Variants in KRT27 observed in about 807,000 individuals in gnomAD.
The protein encoded by KRT27 is keratin, type I cytoskeletal 27.
Under a neutral mutation model 45.3 loss-of-function variants are expected in KRT27, and 30 were observed. The observed-to-expected ratio is 0.66, with a 90% confidence interval of 0.50 to 0.90. KRT27 has a LOEUF of 0.90. Ranked by LOEUF, KRT27 falls within the 40% of genes least tolerant of loss-of-function variation. KRT27 has a pLI of 0.00. For synonymous variants in KRT27, 204 were observed against 223.9 expected (o/e 0.91, Z 0.79); for missense variants, 610 against 564.3 (o/e 1.08, Z -0.82).
In KRT27 at chr17:40,777,528, C is replaced by CT; in HGVS notation, c.1176dup (p.Asp393ArgfsTer9). On this transcript the variant is annotated frameshift_variant, in exon 6 of 8. Transcript: ENST00000301656. LOFTEE classifies it high-confidence loss of function. ...GGCAATACTGACCCATCTTCTCCAT[C>CT]TATCAGGAGGCAGTAGGTCTCAATT... The CT allele has an allele frequency of 6.2e-7, 1 of 1,613,970 alleles. No homozygotes were observed.
chr17:40,778,183 C>A (rs921511818), intron 5 of KRT27, among the ~76,000 whole-genome samples: 1 of 152,222 alleles, frequency 6.6e-6, no homozygotes, highest in African/African-American at 2.4e-5. Context: ...ACCGCATAAA[C>A]GTTCCATGAG....
rs534209654 is a variant in KRT27, at chr17:40,782,295, C to T, written c.199G>A (p.Ala67Thr). Reference sequence around the variant, plus strand: ...TTCCCTGTGAAGGCAGCACAGGAAGCACTTCCCCCGCCCAGACCTCCGCCA... The same window carrying T: ...TTCCCTGTGAAGGCAGCACAGGAAGTACTTCCCCCGCCCAGACCTCCGCCA... ...GYGGGLGGGS[A>T]SCAAFTGNEH... The change falls in exon 1 of 8, where the codon GCT becomes ACT. Residue 67 changes from alanine (A) to threonine (T), a missense_variant. Transcript: ENST00000301656. The T allele has an allele frequency of 6.2e-7, 1 of 1,614,192 alleles. No individual in the cohort carries two copies. The highest frequency in any genetic ancestry group is 2.2e-5 in the East Asian group (1 of 44,876).
intron 5 of KRT27, among the ~76,000 whole-genome samples, chr17:40,778,876 A>G (rs1200540526): frequency 6.6e-6 from 1 of 152,016 alleles, no homozygotes; most frequent in Non-Finnish European, 1.5e-5. Context: ...AATTGTATAT[A>G]TTTATGGGGT....
rs1026813114 is a variant in KRT27, at chr17:40,776,869, G to C, written c.*130C>G. 1.3e-6 allele frequency: 1 copy of C among 785,266 alleles called. No homozygotes were observed. The highest frequency in any genetic ancestry group is 2.0e-6 in the Non-Finnish European group (1 of 503,586). 48.6% of individuals were successfully genotyped at this position (785,266 alleles called of 1,614,324 possible). On this transcript the variant is annotated 3_prime_UTR_variant, in exon 8 of 8. Coordinates refer to ENST00000301656, the MANE Select transcript of KRT27 (RefSeq NM_181537.4). ...CCATAGAGAAAAAGCCAAAGAAATG[G>C]TACTATTCTAAAAATAACTTGTCTT...
At position 40,779,589 on chromosome 17, in the gene KRT27, G is replaced by C. The variant is rs143888823; in HGVS notation, c.885C>G (p.Gly295=). Residue 295 remains glycine, a synonymous_variant, in exon 5 of 8, where the codon GGC becomes GGG. Transcript: ENST00000301656. Reference sequence around the variant, plus strand: ...GCTCATTCCGGGCTGAGGTGGTGGCGCCAGCGTCGTCAGAGATCTGCTGCT... The same window carrying C: ...GCTCATTCCGGGCTGAGGTGGTGGCCCCAGCGTCGTCAGAGATCTGCTGCT... ...SLQQQISDDA[G]ATTSARNELI... The C allele has an allele frequency of 7.4e-6, 12 of 1,614,192 alleles. No individual in the cohort carries two copies. In the African/African-American group the frequency reaches 1.1e-4, roughly 14 times the overall value.
chr17:40,782,304 C>T lies in KRT27; in HGVS notation c.190G>A (p.Gly64Arg), dbSNP rs374027305. The stretch of plus-strand genomic sequence containing the variant: ...AAGGCAGCACAGGAAGCACTTCCCC[C>T]GCCCAGACCTCCGCCATAGCCTCCT... ...SAGGYGGGLGGGSASCAAFTG... is the reference protein window; with the variant it reads ...SAGGYGGGLGRGSASCAAFTG... Residue 64 changes from glycine (G) to arginine (R), a missense_variant, in exon 1 of 8, where the codon GGG (glycine) becomes AGG (arginine). Gly to Arg is a moderately radical substitution (Grantham distance 125). Transcript: ENST00000301656. 23 of 1,614,036 alleles carry T rather than the reference C, an allele frequency of 1.4e-5. No homozygotes were observed. Among genetic ancestry groups the T allele is most frequent in the African/African-American group, 1.1e-4 (8 of 74,924 alleles).
intron 5 of KRT27, 177 bp from the exon 6 acceptor site, chr17:40,777,909 T>C (rs780442484): frequency 1.7e-5 from 12 of 689,318 alleles, no homozygotes; most frequent in Non-Finnish European, 2.6e-5. Flanking sequence ...CTACTACTTT[T>C]CTATTTGAGA....
At chr17:40,779,447 C>G in intron 5 of KRT27, 55 bp downstream of exon 5, 2 of 1,558,618 alleles carry the variant, frequency 1.3e-6, no homozygotes, top group Non-Finnish European at 8.7e-7. Flanking sequence ...AAATTCTCTT[C>G]GATTATTTTT....
chr17:40,779,521 A>C lies in KRT27; in HGVS notation c.953T>G (p.Leu318Arg), dbSNP rs758727717. The part of the protein sequence containing the change: ...KRTLQTLEIE[L>R]QSLLATKHSL... Reference sequence around the variant, plus strand: ...GCTTACCGTTGCTAAGAGGGACTGAAGTTCAATCTCAAGGGTTTGAAGAGT... The same window carrying C: ...GCTTACCGTTGCTAAGAGGGACTGACGTTCAATCTCAAGGGTTTGAAGAGT... Residue 318 changes from leucine (L) to arginine (R), a missense_variant, in exon 5 of 8, where the codon CTT becomes CGT. Transcript: ENST00000301656. 2 of 1,613,644 alleles carry C rather than the reference A, an allele frequency of 1.2e-6. No individual in the cohort carries two copies. Among genetic ancestry groups the C allele is most frequent in the East Asian group, 4.5e-5 (2 of 44,870 alleles).
intron 5 of KRT27, 31 bp from the exon 6 acceptor site, chr17:40,777,763 A>G (rs2038278199): frequency 6.2e-7 from 1 of 1,606,100 alleles, no homozygotes; most frequent in Non-Finnish European, 8.5e-7. Context: ...GTTTAATAGA[A>G]AAGGTCACGG....
At position 40,782,351 on chromosome 17, in the gene KRT27, G is replaced by A; in HGVS notation, c.143C>T (p.Ala48Val). 1 of 1,614,074 alleles carries A rather than the reference G, an allele frequency of 6.2e-7. No homozygotes were observed. The highest frequency in any genetic ancestry group is 8.5e-7 in the Non-Finnish European group (1 of 1,180,006). ...TCCTGCAGATGAGCTGCCCCCAAAA[G>A]CACAAGAGAAGCCACTTCCAATGCC... ...VPGIGSGFSC[A>V]FGGSSSAGGY... The change falls in exon 1 of 8, where the codon GCT (alanine) becomes GTT (valine). Residue 48 changes from alanine to valine, a missense_variant. Coordinates refer to ENST00000301656, the MANE Select transcript of KRT27 (RefSeq NM_181537.4).
chr17:40,780,227 A>G, intron 3 of KRT27, 73 bp downstream of exon 3: 1 of 1,405,788 alleles, frequency 7.1e-7, no homozygotes, highest in Middle Eastern at 2.2e-4. Flanking sequence ...AAGACATTAT[A>G]TTTATCATCT....
In KRT27 at chr17:40,781,144, G is replaced by A. The variant is rs779342390; in HGVS notation, c.527+44C>T. On this transcript the variant is annotated intron_variant, in intron 2 of 7. Transcript: ENST00000301656. ...CTTAGAAGAATAAAGGAGAAAAAATGCTTAGACAACTTTTTTTTCCCATTT... is the reference window on the plus strand; with the variant it reads ...CTTAGAAGAATAAAGGAGAAAAAATACTTAGACAACTTTTTTTTCCCATTT... The A allele has an allele frequency of 1.1e-5, 14 of 1,231,548 alleles. No homozygotes were observed. The South Asian group carries it at 1.8e-4, about 15-fold the overall frequency. 76.3% of individuals were successfully genotyped at this position (1,231,548 alleles called of 1,614,324 possible). A position where few individuals can be genotyped will look rare whatever the true frequency, so the allele number is the denominator to read the frequency against.
chr17:40,781,070 A>T, intron 2 of KRT27, 118 bp downstream of exon 2: 1 of 578,282 alleles, frequency 1.7e-6, no homozygotes, highest in South Asian at 3.2e-5. Context: ...TTTGTTTAAA[A>T]CAAATACATG....
At position 40,782,143 on chromosome 17, in the gene KRT27, C is replaced by G. The variant is rs1417101301; in HGVS notation, c.351G>C (p.Lys117Asn). ...CAGGTCCAAATTTCTCATACCACCCCTTGATCTTCTGCTCCAAGTCAGCGT... is the reference window on the plus strand; with the variant it reads ...CAGGTCCAAATTTCTCATACCACCCGTTGATCTTCTGCTCCAAGTCAGCGT... ...EANADLEQKIKGWYEKFGPGS... is the reference protein window; with the variant it reads ...EANADLEQKINGWYEKFGPGS... Residue 117 changes from lysine to asparagine, a missense_variant, in exon 1 of 8, where the codon AAG (lysine) becomes AAC (asparagine). Lys to Asn is a moderately conservative substitution (Grantham distance 94). Coordinates refer to ENST00000301656, the MANE Select transcript of KRT27 (RefSeq NM_181537.4). The G allele has an allele frequency of 1.2e-6, 2 of 1,614,206 alleles. No homozygotes were observed. Among genetic ancestry groups the G allele is most frequent in the South Asian group, 1.1e-5 (1 of 91,086 alleles).
chr17:40,781,973 T>A, intron 1 of KRT27, 77 bp downstream of exon 1: 1 of 1,257,882 alleles, frequency 7.9e-7, no homozygotes, highest in Non-Finnish European at 1.1e-6. Flanking sequence ...GTTATTGTGA[T>A]AGCTTATACA....
chr17:40,777,947 C>T (rs1336018715), intron 5 of KRT27: 7 of 583,196 alleles, frequency 1.2e-5, no homozygotes, highest in Non-Finnish European at 2.1e-5. Flanking sequence ...GAATGTCCCT[C>T]AGATGCCCAG....
rs148928902 is a variant in KRT27, at chr17:40,777,039, G to A, written c.1340C>T (p.Thr447Ile). 9.0e-4 allele frequency: 1,460 copies of A among 1,613,578 alleles called. 2 individuals carry two copies. Among genetic ancestry groups the A allele is most frequent in the Non-Finnish European group, 1.1e-3 (1,333 of 1,179,642 alleles). Residue 447 changes from threonine to isoleucine, a missense_variant, in exon 8 of 8, where the codon ACC becomes ATC. Transcript: ENST00000301656. ...SRVHTVEEKSTKVNNKNEQRV... is the reference protein window; with the variant it reads ...SRVHTVEEKSIKVNNKNEQRV... ...CTGTTCATTCTTGTTGTTGACTTTG[G>A]TGGATTTCTCTTCCACAGTGTGAAC...
chr17:40,782,075 G>T lies in KRT27; in HGVS notation c.419C>A (p.Pro140Gln). Residue 140 changes from proline (P) to glutamine (Q), a missense_variant, in exon 1 of 8, where the codon CCA becomes CAA. Pro to Gln is a moderately conservative substitution (Grantham distance 76, BLOSUM62 -1). Coordinates refer to ENST00000301656, the MANE Select transcript of KRT27 (RefSeq NM_181537.4). ...CTGGTTCTTAAGTTCGTCAATAATTGGGAAATATCTGCTGTAATCATGATC... is the reference window on the plus strand; with the variant it reads ...CTGGTTCTTAAGTTCGTCAATAATTTGGAAATATCTGCTGTAATCATGATC... ...GLDHDYSRYF[P>Q]IIDELKNQII... is the part of the protein sequence containing the mutation. The T allele has an allele frequency of 6.2e-7, 1 of 1,612,622 alleles. No homozygotes were observed. The highest frequency in any genetic ancestry group is 1.1e-5 in the South Asian group (1 of 91,062).
Sources: gnomAD v4.1 joint callset for allele counts (sites outside exome capture counted in the v4.1 genomes callset) on GRCh38, gnomAD v4.1.1 for gene constraint, MANE v1.5 for transcripts, NCBI Gene and HGNC (gene_info 2026-07-23, HGNC 2026-07-21) for gene names.